The following PHACTR2 variants were observed in gnomAD, a reference collection of about 807,000 sequenced individuals.
The protein encoded by PHACTR2 is phosphatase and actin regulator 2.
A neutral mutation model predicts 76.0 loss-of-function variants in PHACTR2; 30 were observed. The observed-to-expected ratio is 0.39, with a 90% confidence interval of 0.30 to 0.54. The LOEUF (loss-of-function observed/expected upper bound fraction) is 0.54. PHACTR2 is among the 20% of genes least tolerant of loss of function. PHACTR2 has a pLI of 0.61. For synonymous variants in PHACTR2, 292 were observed against 292.5 expected, an observed-to-expected ratio of 1.00 and a Z score of 0.02; for missense variants, 696 against 781.1, an observed-to-expected ratio of 0.89 and a Z score of 1.30.
intron 2 of PHACTR2, among the ~76,000 whole-genome samples, chr6:143,721,244 C>G (rs1778436585): frequency 6.6e-6 from 1 of 152,178 alleles, no homozygotes; most frequent in Admixed American, 6.5e-5. Flanking sequence ...CCTTAACTTA[C>G]AGACTGGTGG....
In PHACTR2 at chr6:143,794,858, A is replaced by G. The variant is rs750567437; in HGVS notation, c.1845+5948A>G. Among the ~76,000 whole-genome samples the G allele has an allele frequency of 6.6e-6, 1 of 152,176 alleles. No individual in the cohort carries two copies. The highest frequency in any genetic ancestry group is 1.5e-5 in the Non-Finnish European group (1 of 68,024). ...TGAGCTTCCTTTCAGCCTAAAGGAG[A>G]CATCTTTTTTCTTTCTCTTATCTTA... On this transcript the variant is annotated intron_variant, in intron 11 of 12. Coordinates refer to ENST00000440869, the MANE Select transcript of PHACTR2 (RefSeq NM_001100164.2). This position sits in a 1 kb window ranked among gnomAD's most constrained non-coding sequence, Gnocchi z 4.1.
rs1366367864 is a variant in PHACTR2, at chr6:143,553,104, A to G, written c.217+15897A>G. On this transcript the variant is annotated intron_variant, in intron 1 of 11. Coordinates refer to the PHACTR2 transcript ENST00000367584. This position sits in a 1 kb window ranked among gnomAD's most constrained non-coding sequence, Gnocchi z 4.2. Reference sequence around the variant, plus strand: ...AAGTGTGGCTGAGGGGCTAAAACCCATGCACCACTCTTGACCCATCAACAA... The same window carrying G: ...AAGTGTGGCTGAGGGGCTAAAACCCGTGCACCACTCTTGACCCATCAACAA... 6.6e-6 allele frequency among the ~76,000 whole-genome samples: 1 copy of G among 152,148 alleles called. No individual in the cohort carries two copies. The highest frequency in any genetic ancestry group is 6.6e-5 in the Admixed American group (1 of 15,258).
chr6:143,570,969 C>CCTAT lies in PHACTR2; in HGVS notation c.217+33763_217+33766dup, dbSNP rs1775440058. Reference sequence around the variant, plus strand: ...GAGACTCGAAGACGCAAATTATATTCCTATTTTTCATGAAATTTAAAAAAC... The same window carrying CCTAT: ...GAGACTCGAAGACGCAAATTATATTCCTATCTATTTTTCATGAAATTTAAAAAAC... On this transcript the variant is annotated intron_variant, in intron 1 of 11. Transcript: ENST00000367584. The surrounding 1 kb of genome is among the most constrained non-coding windows in gnomAD (Gnocchi z 4.6). 6.6e-6 allele frequency among the ~76,000 whole-genome samples: 1 copy of CCTAT among 152,134 alleles called. No homozygotes were observed. The highest frequency in any genetic ancestry group is 1.5e-5 in the Non-Finnish European group (1 of 68,026).
At chr6:143,690,562 G>A (rs1777621017) in intron 1 of PHACTR2, among the ~76,000 whole-genome samples, 1 of 152,172 alleles carries the variant, frequency 6.6e-6, no homozygotes, top group Admixed American at 6.5e-5. Flanking sequence ...GGGACATAAG[G>A]TAGCAAAGCA....
At chr6:143,551,888 G>T (rs1775100808) in intron 1 of PHACTR2, among the ~76,000 whole-genome samples, 1 of 152,142 alleles carries the variant, frequency 6.6e-6, no homozygotes. Context: ...TTAATAATGT[G>T]ACCATTTATT....
At chr6:143,576,993 G>A (rs1456372796) in intron 1 of PHACTR2, among the ~76,000 whole-genome samples, 1 of 150,232 alleles carries the variant, frequency 6.7e-6, no homozygotes, top group East Asian at 2.0e-4. Context: ...TACACAAAAA[G>A]CAACAAACTA....
rs907346922 is a variant in PHACTR2 at position 143,653,300 on chromosome 6, A to G, written c.13+44978A>G. Among the ~76,000 whole-genome samples the G allele has an allele frequency of 6.6e-6, 1 of 152,186 alleles. No homozygotes were observed. The highest frequency in any genetic ancestry group is 1.5e-5 in the Non-Finnish European group (1 of 68,036). On this transcript the variant is annotated intron_variant, in intron 1 of 11. Coordinates refer to the PHACTR2 transcript ENST00000305766. The surrounding 1 kb of genome is among the most constrained non-coding windows in gnomAD (Gnocchi z 4.9). ...TGGTTTTTCCACTCTTGTAAAATGA[A>G]GGCTGCTCTGACTCCTGCCTGCAAT...
intron 11 of PHACTR2, among the ~76,000 whole-genome samples, chr6:143,797,370 C>G (rs1775849868): frequency 6.6e-6 from 1 of 152,202 alleles, no homozygotes; most frequent in Non-Finnish European, 1.5e-5. Flanking sequence ...TGCCTGTTCA[C>G]TCTGGTGATA....
chr6:143,637,180 G>C (rs567874303), intron 1 of PHACTR2, among the ~76,000 whole-genome samples: 2 of 152,308 alleles, frequency 1.3e-5, no homozygotes, highest in African/African-American at 4.8e-5. Flanking sequence ...GTTCTTCTGA[G>C]GGATCCTTGC....
intron 1 of PHACTR2, among the ~76,000 whole-genome samples, chr6:143,568,902 G>A (rs10979): frequency 0.61 from 92,936 of 151,796 alleles, 28,771 homozygotes; most frequent in Middle Eastern, 0.72. Context: ...CCACGGAATA[G>A]TAGATCAACA....
chr6:143,596,173 C>T lies in PHACTR2; in HGVS notation c.217+58966C>T, dbSNP rs989095061. Among the ~76,000 whole-genome samples, 2 of 152,192 alleles carry T rather than the reference C, an allele frequency of 1.3e-5. No homozygotes were observed. The highest frequency in any genetic ancestry group is 2.4e-5 in the African/African-American group (1 of 41,456). ...ATCCACATGTTAATTGAATCTTGATCCTCAGGCCTGCAAAACTGGCCATGA... is the reference window on the plus strand; with the variant it reads ...ATCCACATGTTAATTGAATCTTGATTCTCAGGCCTGCAAAACTGGCCATGA... On this transcript the variant is annotated intron_variant, in intron 1 of 11. Coordinates refer to the PHACTR2 transcript ENST00000367584. The surrounding 1 kb of genome is among the most constrained non-coding windows in gnomAD (Gnocchi z 4.6).
chr6:143,744,548 A>T (rs1342330), intron 2 of PHACTR2, among the ~76,000 whole-genome samples: 61,051 of 152,002 alleles, frequency 0.4, 12,874 homozygotes, highest in Non-Finnish European at 0.48. Context: ...ACTTCCACTA[A>T]GGTGACCTTT....
In PHACTR2 at chr6:143,618,372, T is replaced by C. The variant is rs1776093890; in HGVS notation, c.13+10050T>C. Among the ~76,000 whole-genome samples, 4 of 152,206 alleles carry C rather than the reference T, an allele frequency of 2.6e-5. No homozygotes were observed. Among genetic ancestry groups the C allele is most frequent in the Admixed American group, 2.6e-4 (4 of 15,284 alleles). On this transcript the variant is annotated intron_variant, in intron 1 of 11. Transcript: ENST00000305766. This position sits in a 1 kb window ranked among gnomAD's most constrained non-coding sequence, Gnocchi z 5.2. ...CTAGGGATGCTTTGATAACTTGCTT[T>C]TCTGGCGTTTTGGTTAATAAATGGT...
In PHACTR2 at chr6:143,819,345, G is replaced by A. The variant is rs1776365045; in HGVS notation, c.1923-4329G>A. ...AAGGACTGTGAAGAAAAGGTAATAG[G>A]ACAGGGGTGGGTATAGATCCGATGG... is the stretch of plus-strand genomic sequence containing the variant. On this transcript the variant is annotated intron_variant, in intron 12 of 12. Coordinates refer to ENST00000440869, the MANE Select transcript of PHACTR2 (RefSeq NM_001100164.2). This position sits in a 1 kb window ranked among gnomAD's most constrained non-coding sequence, Gnocchi z 5.0. 1.3e-5 allele frequency among the ~76,000 whole-genome samples: 2 copies of A among 152,194 alleles called. No homozygotes were observed. The highest frequency in any genetic ancestry group is 4.1e-4 in the South Asian group (2 of 4,832).
chr6:143,546,098 A>C lies in PHACTR2; in HGVS notation c.217+8891A>C. 6.6e-6 allele frequency among the ~76,000 whole-genome samples: 1 copy of C among 152,328 alleles called. No individual in the cohort carries two copies. The highest frequency in any genetic ancestry group is 2.1e-4 in the South Asian group (1 of 4,830). ...CGGTTACAGTGAAACTCAGGAAAAA[A>C]CATTGAAGCAGCTTTAGTGTTTTTA... is the stretch of plus-strand genomic sequence containing the variant. On this transcript the variant is annotated intron_variant, in intron 1 of 11. Transcript: ENST00000367584. The surrounding 1 kb of genome is among the most constrained non-coding windows in gnomAD (Gnocchi z 4.9).
chr6:143,547,677 T>C lies in PHACTR2; in HGVS notation c.217+10470T>C, dbSNP rs1775024692. On this transcript the variant is annotated intron_variant, in intron 1 of 11. Transcript: ENST00000367584. This position sits in a 1 kb window ranked among gnomAD's most constrained non-coding sequence, Gnocchi z 4.2. ...ATAGTTAGCAATAGAGACTCCCTTCTTCGAATGAAGGAAAAGGGGTTTGTT... is the reference window on the plus strand; with the variant it reads ...ATAGTTAGCAATAGAGACTCCCTTCCTCGAATGAAGGAAAAGGGGTTTGTT... Among the ~76,000 whole-genome samples the C allele has an allele frequency of 6.6e-6, 1 of 152,196 alleles. No homozygotes were observed. Among genetic ancestry groups the C allele is most frequent in the Non-Finnish European group, 1.5e-5 (1 of 68,038 alleles).
Position 143,558,776 on chromosome 6 carries a change from G to A in PHACTR2, c.217+21569G>A, listed in dbSNP as rs1268408154. On this transcript the variant is annotated intron_variant, in intron 1 of 11. Transcript: ENST00000367584. This position sits in a 1 kb window ranked among gnomAD's most constrained non-coding sequence, Gnocchi z 4.7. ...TTTCCCAACTGGCCTTTGAGTACAG[G>A]TACGTTAGGATTTGTAGACCTCTGA... Among the ~76,000 whole-genome samples the A allele has an allele frequency of 1.3e-5, 2 of 152,146 alleles. No homozygotes were observed. The highest frequency in any genetic ancestry group is 2.9e-5 in the Non-Finnish European group (2 of 68,026).
At chr6:143,804,992 A>C (rs1776032990) in intron 11 of PHACTR2, among the ~76,000 whole-genome samples, 1 of 152,192 alleles carries the variant, frequency 6.6e-6, no homozygotes, top group African/African-American at 2.4e-5. Context: ...GGTTTTCCAG[A>C]TAAGAAAATT....
intron 12 of PHACTR2, among the ~76,000 whole-genome samples, chr6:143,810,372 A>G (rs1562315920): frequency 6.6e-6 from 1 of 152,216 alleles, no homozygotes; most frequent in Non-Finnish European, 1.5e-5. Context: ...ATTTTGGAAT[A>G]AACTATTCCA....
Sources: gnomAD v4.1 joint callset for allele counts (sites outside exome capture counted in the v4.1 genomes callset) on GRCh38, gnomAD v4.1.1 for gene constraint, Gnocchi (gnomAD v3.1) non-coding constraint, MANE v1.5 for transcripts, NCBI Gene and HGNC (gene_info 2026-07-23, HGNC 2026-07-21) for gene names.